PLEKHG4B: variants seen among roughly 807,000 people sequenced by gnomAD.
PLEKHG4B encodes the protein pleckstrin homology domain-containing family G member 4B.
Under a neutral mutation model 121.3 loss-of-function variants are expected in PLEKHG4B, and 111 were observed. That is an observed-to-expected ratio of 0.92 (90% confidence interval 0.78 to 1.07). The LOEUF (loss-of-function observed/expected upper bound fraction) is 1.07, where lower values mean the gene tolerates loss of function less well. PLEKHG4B is among the 50% of genes least tolerant of loss of function. The pLI is 0.00. For missense variants in PLEKHG4B, 1,831 were observed against 1,757.8 expected, an observed-to-expected ratio of 1.04 and a Z score of -0.74; for synonymous variants, 738 against 725.0, an observed-to-expected ratio of 1.02 and a Z score of -0.29.
chr5:99,445 AGTCTTT>A (rs1449356714), intron 1 of PLEKHG4B, among the ~76,000 whole-genome samples: 1 of 151,832 alleles, frequency 6.6e-6, no homozygotes, highest in African/African-American at 2.4e-5. Flanking sequence ...TCAGCAAGCA[AGTCTTT>A]TACCTTTACG....
At chr5:103,476 T>C (rs1038325797) in intron 1 of PLEKHG4B, among the ~76,000 whole-genome samples, 3 of 152,182 alleles carry the variant, frequency 2.0e-5, no homozygotes, top group African/African-American at 7.2e-5. Context: ...CCTGCATTTG[T>C]CTTTACACAG....
At chr5:144,439 A>C (rs1735335560) in intron 5 of PLEKHG4B, among the ~76,000 whole-genome samples, 1 of 152,234 alleles carries the variant, frequency 6.6e-6, no homozygotes, top group Non-Finnish European at 1.5e-5. Context: ...CAGGCCATCC[A>C]CATCCCATCA....
At position 170,897 on chromosome 5, in the gene PLEKHG4B, G is replaced by A. The variant is rs1736520377; in HGVS notation, c.3730-146G>A. ...CTCTGATAGTCTTTAATGAAGGGCC[G>A]AGTCTCCCTTTCACCTGATCATGGT... On this transcript the variant is annotated intron_variant, in intron 14 of 19. Transcript: ENST00000637938. 1.1e-5 allele frequency: 7 copies of A among 628,926 alleles called. No individual in the cohort carries two copies. In the South Asian group the frequency reaches 1.2e-4, roughly 11 times the overall value. 39.0% of individuals were successfully genotyped at this position (628,926 alleles called of 1,614,324 possible).
intron 18 of PLEKHG4B, among the ~76,000 whole-genome samples, chr5:175,063 C>A (rs1356368486): frequency 6.6e-6 from 1 of 152,146 alleles, no homozygotes; most frequent in Admixed American, 6.5e-5. Flanking sequence ...ACACACGTGT[C>A]TCTCGTGTCC....
intron 2 of PLEKHG4B, among the ~76,000 whole-genome samples, chr5:129,403 A>G (rs1010221792): frequency 6.6e-6 from 1 of 152,234 alleles, no homozygotes; most frequent in East Asian, 1.9e-4. Context: ...AAAAATTCTG[A>G]GTCCATCACC....
Position 157,544 on chromosome 5 carries a change from G to A in PLEKHG4B, c.2487+633G>A, listed in dbSNP as rs1735830674. On this transcript the variant is annotated intron_variant, in intron 11 of 19. Coordinates refer to ENST00000637938, the MANE Select transcript of PLEKHG4B (RefSeq NM_052909.5). This position sits in a 1 kb window ranked among gnomAD's most constrained non-coding sequence, Gnocchi z 4.6. ...TGGCTGGGGTTATTGATGGCCCTTG[G>A]TGGACACACTGCAGAATCTGGGGTC... is the stretch of plus-strand genomic sequence containing the variant. 6.6e-6 allele frequency among the ~76,000 whole-genome samples: 1 copy of A among 152,100 alleles called. No individual in the cohort carries two copies. Among genetic ancestry groups the A allele is most frequent in the African/African-American group, 2.4e-5 (1 of 41,398 alleles).
intron 2 of PLEKHG4B, among the ~76,000 whole-genome samples, chr5:129,735 G>GC (rs1299795764): frequency 6.6e-6 from 1 of 152,148 alleles, no homozygotes; most frequent in Non-Finnish European, 1.5e-5. Context: ...GCCTTCCCTA[G>GC]CCCCCATCAA....
chr5:136,731 A>G (rs1039467657), intron 2 of PLEKHG4B, among the ~76,000 whole-genome samples: 9 of 152,204 alleles, frequency 5.9e-5, no homozygotes, highest in African/African-American at 2.2e-4. Flanking sequence ...GCTTGGAACG[A>G]TGTGGAGAAA....
At chr5:136,574 T>A (rs2126391725) in intron 2 of PLEKHG4B, among the ~76,000 whole-genome samples, 1 of 152,284 alleles carries the variant, frequency 6.6e-6, no homozygotes, top group East Asian at 1.9e-4. Context: ...CTCAACATCA[T>A]TAATCAGGAG....
intron 6 of PLEKHG4B, among the ~76,000 whole-genome samples, chr5:151,133 G>C (rs1302766923): frequency 1.3e-5 from 2 of 152,200 alleles, no homozygotes; most frequent in African/African-American, 2.4e-5. Flanking sequence ...GACGAAAGCA[G>C]GTCAGTGGTT....
At chr5:128,621 G>T (rs1168273818) in intron 2 of PLEKHG4B, among the ~76,000 whole-genome samples, 1 of 152,194 alleles carries the variant, frequency 6.6e-6, no homozygotes, top group Non-Finnish European at 1.5e-5. Flanking sequence ...AGCTGAAATT[G>T]ACCACAATCA....
chr5:143,317 G>T, intron 4 of PLEKHG4B, 61 bp downstream of exon 4: 1 of 1,607,456 alleles, frequency 6.2e-7, no homozygotes, highest in South Asian at 1.1e-5. Context: ...CGACAGCACA[G>T]ACCCAGCTCA....
intron 2 of PLEKHG4B, among the ~76,000 whole-genome samples, chr5:128,003 G>C (rs1734669791): frequency 3.9e-5 from 6 of 152,152 alleles, no homozygotes; most frequent in Admixed American, 3.9e-4. Flanking sequence ...AAAGACCTGG[G>C]GTCAATAGAA....
intron 1 of PLEKHG4B, among the ~76,000 whole-genome samples, chr5:99,210 A>C (rs1351242455): frequency 2.0e-5 from 2 of 100,626 alleles, no homozygotes; most frequent in African/African-American, 7.7e-5. Flanking sequence ...ATATATATAT[A>C]TATTTTGCGA....
intron 17 of PLEKHG4B, 85 bp downstream of exon 17, chr5:173,152 A>G (rs1022746496): frequency 5.2e-6 from 7 of 1,357,262 alleles, no homozygotes; most frequent in Non-Finnish European, 7.2e-6. Flanking sequence ...TAAGGCCAGC[A>G]GAGGAACTGG....
intron 13 of PLEKHG4B, among the ~76,000 whole-genome samples, chr5:165,189 C>T (rs1451005649): frequency 5.0e-5 from 3 of 59,774 alleles, no homozygotes; most frequent in Non-Finnish European, 4.0e-5. Context: ...CACAGTACTC[C>T]TCTGACGGGG....
At chr5:141,742 A>C (rs527728663) in intron 3 of PLEKHG4B, among the ~76,000 whole-genome samples, 1 of 147,772 alleles carries the variant, frequency 6.8e-6, no homozygotes, top group Non-Finnish European at 1.5e-5. Flanking sequence ...TGAGTAAAGA[A>C]ATATCCTGTG....
At chr5:175,146 G>T (rs995161416) in intron 18 of PLEKHG4B, among the ~76,000 whole-genome samples, 1 of 151,998 alleles carries the variant, frequency 6.6e-6, no homozygotes, top group African/African-American at 2.4e-5. Flanking sequence ...TAACCCTCTG[G>T]TTGACTTCCT....
chr5:166,421 C>G (rs1351979189), intron 13 of PLEKHG4B, among the ~76,000 whole-genome samples: 2 of 121,174 alleles, frequency 1.7e-5, no homozygotes, highest in African/African-American at 3.3e-5. Context: ...CACTAATGCT[C>G]TGACGGGGCG....
Sources: gnomAD v4.1 joint callset for allele counts (sites outside exome capture counted in the v4.1 genomes callset) on GRCh38, gnomAD v4.1.1 for gene constraint, Gnocchi (gnomAD v3.1) non-coding constraint, MANE v1.5 for transcripts, NCBI Gene and HGNC (gene_info 2026-07-23, HGNC 2026-07-21) for gene names.